Variants in CACNG5 observed in about 807,000 individuals in gnomAD.
The protein encoded by CACNG5 is voltage-dependent calcium channel gamma-5 subunit.
Under a neutral mutation model 24.8 loss-of-function variants are expected in CACNG5, and 18 were observed. That is an observed-to-expected ratio of 0.73 (90% CI 0.50 to 1.08). CACNG5 has a LOEUF of 1.08. CACNG5 is among the 50% of genes least tolerant of loss of function. CACNG5 has a pLI of 0.00. For missense variants in CACNG5, 349 were observed against 367.9 expected (o/e 0.95, Z 0.42); for synonymous variants, 157 against 149.1 (o/e 1.05, Z -0.39).
chr17:66,853,296 T>C (rs1003491842), intron 1 of CACNG5, among the ~76,000 whole-genome samples: 3 of 152,264 alleles, frequency 2.0e-5, no homozygotes, highest in African/African-American at 7.2e-5. Context: ...ACTATATGAA[T>C]CAAGCTGTAC....
At chr17:66,867,318 T>A (rs187183716) in intron 1 of CACNG5, among the ~76,000 whole-genome samples, 61 of 152,302 alleles carry the variant, frequency 4.0e-4, no homozygotes, top group Non-Finnish European at 5.1e-4. Flanking sequence ...TATGGGGTTG[T>A]TTGTTTTTTT....
intron 1 of CACNG5, among the ~76,000 whole-genome samples, chr17:66,856,565 A>G (rs1976780257): frequency 1.4e-5 from 2 of 143,974 alleles, no homozygotes; most frequent in South Asian, 4.4e-4. Flanking sequence ...TTTTTGAGAC[A>G]GAGTCTCGCT....
rs898280315 is a variant in CACNG5 at position 66,890,409 on chromosome 17, G to A, written c.*5169G>A. On this transcript the variant is annotated 3_prime_UTR_variant, in exon 6 of 6. Coordinates refer to ENST00000533854, the MANE Select transcript of CACNG5 (RefSeq NM_145811.3). Reference sequence around the variant, plus strand: ...GGGCAGGTGCCCCTCTAGCATCCACGTCTCCCAGGACAGGTGCTAGGGCCT... The same window carrying A: ...GGGCAGGTGCCCCTCTAGCATCCACATCTCCCAGGACAGGTGCTAGGGCCT... Among the ~76,000 whole-genome samples, 5 of 152,214 alleles carry A rather than the reference G, an allele frequency of 3.3e-5. No homozygotes were observed. The highest frequency in any genetic ancestry group is 1.2e-4 in the African/African-American group (5 of 41,454).
chr17:66,871,784 T>G (rs544469343), intron 1 of CACNG5, among the ~76,000 whole-genome samples: 1 of 151,168 alleles, frequency 6.6e-6, no homozygotes, highest in South Asian at 2.1e-4. Flanking sequence ...GGCGTGCACC[T>G]GGGAGGCGGA....
At chr17:66,855,526 A>G (rs117845626) in intron 1 of CACNG5, among the ~76,000 whole-genome samples, 10,147 of 152,228 alleles carry the variant, frequency 0.067, 451 homozygotes, top group Non-Finnish European at 0.099. Flanking sequence ...AAAGTTGTGC[A>G]TATGTATTTT....
intron 1 of CACNG5, among the ~76,000 whole-genome samples, chr17:66,851,048 G>C (rs72843340): frequency 6.6e-6 from 1 of 151,816 alleles, no homozygotes; most frequent in Non-Finnish European, 1.5e-5. Flanking sequence ...CCAGAAGTTC[G>C]CACTGAGACT....
intron 1 of CACNG5, among the ~76,000 whole-genome samples, chr17:66,852,542 T>C (rs1462685655): frequency 6.6e-6 from 1 of 152,202 alleles, no homozygotes; most frequent in East Asian, 1.9e-4. Flanking sequence ...AATTGCTGTT[T>C]TATGCAAACT....
intron 1 of CACNG5, among the ~76,000 whole-genome samples, chr17:66,863,735 TCTATG>T (rs768139430): frequency 2.6e-5 from 4 of 152,252 alleles, no homozygotes; most frequent in Admixed American, 6.5e-5. Context: ...CTTCTGCATT[TCTATG>T]CTTCAATGCT....
chr17:66,870,457 G>A (rs1000952412), intron 1 of CACNG5, among the ~76,000 whole-genome samples: 1 of 152,200 alleles, frequency 6.6e-6, no homozygotes, highest in Non-Finnish European at 1.5e-5. Flanking sequence ...ACCAACATCT[G>A]GTGGATAGAG....
rs1297767334 is a variant in CACNG5 at position 66,886,474 on chromosome 17, TC to T, written c.*1236del. Among the ~76,000 whole-genome samples the T allele has an allele frequency of 6.6e-6, 1 of 152,156 alleles. No homozygotes were observed. Among genetic ancestry groups the T allele is most frequent in the East Asian group, 1.9e-4 (1 of 5,194 alleles). On this transcript the variant is annotated 3_prime_UTR_variant, in exon 6 of 6. Coordinates refer to ENST00000533854, the MANE Select transcript of CACNG5 (RefSeq NM_145811.3). ...GGAGCCAGGAGGGTTTCAATTACCCTCCGTAAGTCCACAGAAGCCACTGCAA... is the reference window on the plus strand; with the variant it reads ...GGAGCCAGGAGGGTTTCAATTACCCTCGTAAGTCCACAGAAGCCACTGCAA...
intron 2 of CACNG5, among the ~76,000 whole-genome samples, chr17:66,877,730 C>T (rs1462356780): frequency 1.3e-5 from 2 of 152,208 alleles, no homozygotes; most frequent in East Asian, 3.8e-4. Flanking sequence ...TCCATTTGAG[C>T]CAGTCTTTTC....
intron 1 of CACNG5, among the ~76,000 whole-genome samples, chr17:66,851,060 C>T (rs1420955324): frequency 6.6e-6 from 1 of 152,030 alleles, no homozygotes; most frequent in Non-Finnish European, 1.5e-5. Context: ...ACTGAGACTC[C>T]CCCTCCATGA....
At chr17:66,857,029 G>T (rs1598050573) in intron 1 of CACNG5, among the ~76,000 whole-genome samples, 3 of 141,920 alleles carry the variant, frequency 2.1e-5, no homozygotes, top group African/African-American at 7.7e-5. Flanking sequence ...ATCAATAGAA[G>T]AAATATAGAA....
In CACNG5 at chr17:66,891,562, G is replaced by T. The variant is rs1336471587; in HGVS notation, c.*6322G>T. On this transcript the variant is annotated 3_prime_UTR_variant, in exon 6 of 6. Coordinates refer to ENST00000533854, the MANE Select transcript of CACNG5 (RefSeq NM_145811.3). ...CTTAAGGCCTGGTCTTCCTCATAGG[G>T]TGACAGCTTGGTTTTAAGAGTGAGG... 6.6e-6 allele frequency among the ~76,000 whole-genome samples: 1 copy of T among 152,164 alleles called. No individual in the cohort carries two copies. The highest frequency in any genetic ancestry group is 2.4e-5 in the African/African-American group (1 of 41,424).
intron 1 of CACNG5, among the ~76,000 whole-genome samples, chr17:66,863,416 G>T (rs1332691216): frequency 1.3e-5 from 2 of 151,972 alleles, no homozygotes; most frequent in African/African-American, 2.4e-5. Flanking sequence ...ACCCAGGCTG[G>T]AGTGCAGTGG....
In CACNG5 at chr17:66,885,230, CA is replaced by C; in HGVS notation, c.819del (p.Cys275AlafsTer32). 3.2e-6 allele frequency: 5 copies of C among 1,586,806 alleles called. No individual in the cohort carries two copies. Among genetic ancestry groups the C allele is most frequent in the Non-Finnish European group, 4.3e-6 (5 of 1,171,370 alleles). ...KCPDYDQMSS[S>X]PC ...CCCGACTATGATCAGATGTCCTCTT[CA>C]CCCTGCTGAGCCTCGGCCGCCCCCA... On this transcript the variant is annotated frameshift_variant, in exon 6 of 6. Coordinates refer to ENST00000533854, the MANE Select transcript of CACNG5 (RefSeq NM_145811.3). LOFTEE classifies it high-confidence loss of function.
At chr17:66,844,027 C>T (rs1421167071) in intron 1 of CACNG5, among the ~76,000 whole-genome samples, 3 of 152,112 alleles carry the variant, frequency 2.0e-5, no homozygotes, top group Non-Finnish European at 2.9e-5. Context: ...AACCAGACAG[C>T]AGATCTGTGC....
rs1006615206 is a variant in CACNG5 at position 66,890,387 on chromosome 17, C to A, written c.*5147C>A. On this transcript the variant is annotated 3_prime_UTR_variant, in exon 6 of 6. Transcript: ENST00000533854. ...TGCAGATGAGTGAATAGGAACTGGG[C>A]AGGTGCCCCTCTAGCATCCACGTCT... Among the ~76,000 whole-genome samples, 32 of 152,218 alleles carry A rather than the reference C, an allele frequency of 2.1e-4. No homozygotes were observed. Among genetic ancestry groups the A allele is most frequent in the African/African-American group, 7.5e-4 (31 of 41,446 alleles).
rs1212526653 is a variant in CACNG5 at position 66,887,083 on chromosome 17, A to G, written c.*1843A>G. ...TCCAAATACAGTCATGTTCTGAGGT[A>G]CTGAGGGTCATTCTACAAATGAATT... On this transcript the variant is annotated 3_prime_UTR_variant, in exon 6 of 6. Transcript: ENST00000533854. Among the ~76,000 whole-genome samples the G allele has an allele frequency of 6.6e-6, 1 of 152,236 alleles. No individual in the cohort carries two copies. The highest frequency in any genetic ancestry group is 1.5e-5 in the Non-Finnish European group (1 of 68,036).
Sources: gnomAD v4.1 joint callset for allele counts (sites outside exome capture counted in the v4.1 genomes callset) on GRCh38, gnomAD v4.1.1 for gene constraint, MANE v1.5 for transcripts, NCBI Gene and HGNC (gene_info 2026-07-23, HGNC 2026-07-21) for gene names.